The following AFF3 variants were observed in gnomAD, a reference collection of about 807,000 sequenced individuals.
The protein encoded by AFF3 is ALF transcription elongation factor 3.
AFF3 carries 32 observed loss-of-function variants against 129.7 expected under a neutral mutation model. That is an observed-to-expected ratio of 0.25 (90% CI 0.19 to 0.33). AFF3 has a LOEUF of 0.33. AFF3 is among the 10% of genes least tolerant of loss of function. The pLI is 1.00. For synonymous variants in AFF3, 644 were observed against 635.4 expected, an observed-to-expected ratio of 1.01 and a Z score of -0.20; for missense variants, 1,373 against 1,592.0, an observed-to-expected ratio of 0.86 and a Z score of 2.34.
At chr2:100,051,432 C>T (rs1469282697) in intron 4 of AFF3, among the ~76,000 whole-genome samples, 1 of 152,180 alleles carries the variant, frequency 6.6e-6, no homozygotes, top group Non-Finnish European at 1.5e-5. Context: ...AAACATACTG[C>T]TCTTGCAATG....
At chr2:99,869,343 A>T (rs75820653) in intron 7 of AFF3, among the ~76,000 whole-genome samples, 4,113 of 151,456 alleles carry the variant, frequency 0.027, 183 homozygotes, top group African/African-American at 0.092. Flanking sequence ...ATCTCAGCAA[A>T]GGCCTTCCAT....
intron 2 of AFF3, chr2:100,106,173 A>G (rs1420621433): frequency 1.7e-6 from 2 of 1,200,406 alleles, no homozygotes; most frequent in African/African-American, 3.2e-5. Flanking sequence ...CTCTGAATCA[A>G]TCCTTTCTTC....
At chr2:100,046,056 A>G (rs778478534) in intron 4 of AFF3, among the ~76,000 whole-genome samples, 11 of 152,164 alleles carry the variant, frequency 7.2e-5, no homozygotes, top group Non-Finnish European at 1.6e-4. Flanking sequence ...CTGAGTTCCA[A>G]GAATAGTCTA....
At chr2:99,665,883 C>T (rs1686627511) in intron 12 of AFF3, among the ~76,000 whole-genome samples, 1 of 152,106 alleles carries the variant, frequency 6.6e-6, no homozygotes, top group African/African-American at 2.4e-5. Flanking sequence ...GAACAGTGTT[C>T]AATGCTGTAA....
intron 4 of AFF3, among the ~76,000 whole-genome samples, chr2:100,083,661 T>C (rs1040839971): frequency 6.6e-6 from 1 of 152,214 alleles, no homozygotes; most frequent in African/African-American, 2.4e-5. Flanking sequence ...GGGTCACGGC[T>C]GCCTTTGGGA....
chr2:99,879,559 TTC>T (rs1400415429), intron 7 of AFF3, among the ~76,000 whole-genome samples: 2 of 152,226 alleles, frequency 1.3e-5, no homozygotes, highest in East Asian at 3.8e-4. Flanking sequence ...TGAAAAGAGT[TTC>T]TCTGTCAAGA....
intron 4 of AFF3, among the ~76,000 whole-genome samples, chr2:100,035,975 C>G (rs1333232271): frequency 6.6e-6 from 1 of 151,952 alleles, no homozygotes; most frequent in African/African-American, 2.4e-5. Context: ...GAGGCTACTT[C>G]AAGGAATATG....
chr2:99,686,279 T>C (rs1176309455), intron 11 of AFF3, among the ~76,000 whole-genome samples: 1 of 152,160 alleles, frequency 6.6e-6, no homozygotes, highest in African/African-American at 2.4e-5. Flanking sequence ...ACAGTTTCAA[T>C]TAAAATGACA....
intron 4 of AFF3, among the ~76,000 whole-genome samples, chr2:100,029,635 A>AACT (rs1380440487): frequency 6.6e-6 from 1 of 152,186 alleles, no homozygotes; most frequent in Non-Finnish European, 1.5e-5. Flanking sequence ...CAGAAAGTAG[A>AACT]AGGACGGCCA....
At chr2:99,823,244 C>T (rs1465718200) in intron 8 of AFF3, among the ~76,000 whole-genome samples, 2 of 152,036 alleles carry the variant, frequency 1.3e-5, no homozygotes, top group African/African-American at 4.8e-5. Context: ...ATTTTAAAAG[C>T]CTATCCTTCC....
At position 99,689,621 on chromosome 2, in the gene AFF3, C is replaced by T. The variant is rs149829048; in HGVS notation, c.1092-17032G>A. Among the ~76,000 whole-genome samples the T allele has an allele frequency of 4.3e-3, 597 of 138,004 alleles. 4 individuals are homozygous for T. Among genetic ancestry groups the T allele is most frequent in the African/African-American group, 0.015 (563 of 36,442 alleles). 90.5% of individuals were successfully genotyped at this position (138,004 alleles called of 152,430 possible). Reference sequence around the variant, plus strand: ...CTGAGCCTTACTCCTTTCTGTATCTCCAGTGCCTTGGAGACACAGGTATTT... The same window carrying T: ...CTGAGCCTTACTCCTTTCTGTATCTTCAGTGCCTTGGAGACACAGGTATTT... On this transcript the variant is annotated intron_variant, in intron 11 of 24. Transcript: ENST00000672756.
intron 11 of AFF3, among the ~76,000 whole-genome samples, chr2:99,717,718 T>A (rs1420285525): frequency 1.3e-5 from 2 of 152,256 alleles, no homozygotes; most frequent in Non-Finnish European, 1.5e-5. Context: ...TGAAGTCCAA[T>A]CCATTAGAAC....
intron 10 of AFF3, among the ~76,000 whole-genome samples, chr2:99,732,752 T>C (rs570657563): frequency 2.1e-4 from 32 of 152,306 alleles, no homozygotes; most frequent in African/African-American, 7.7e-4. Context: ...AAGACTTCCA[T>C]ATGGCCAACT....
chr2:99,926,436 T>C (rs1576362360), intron 7 of AFF3, among the ~76,000 whole-genome samples: 1 of 152,218 alleles, frequency 6.6e-6, no homozygotes, highest in Admixed American at 6.5e-5. Context: ...TGTTTAAAGA[T>C]ACAAATTTTT....
chr2:100,038,691 G>A (rs1573216411), intron 4 of AFF3, among the ~76,000 whole-genome samples: 1 of 151,566 alleles, frequency 6.6e-6, no homozygotes, highest in East Asian at 1.9e-4. Flanking sequence ...TAAGGGTCAT[G>A]GGACTATGCA....
At chr2:99,563,952 A>G (rs1363731015) in intron 20 of AFF3, among the ~76,000 whole-genome samples, 1 of 152,074 alleles carries the variant, frequency 6.6e-6, no homozygotes. Context: ...GTGAAAGATT[A>G]CTTCCATCAG....
intron 7 of AFF3, among the ~76,000 whole-genome samples, chr2:99,919,728 GAAAT>G (rs1558975649): frequency 6.6e-6 from 1 of 151,030 alleles, no homozygotes; most frequent in African/African-American, 2.4e-5. Context: ...CAAATAACAG[GAAAT>G]AAATGAAACA....
intron 13 of AFF3, among the ~76,000 whole-genome samples, chr2:99,623,690 A>C (rs2105327119): frequency 6.6e-6 from 1 of 152,308 alleles, no homozygotes; most frequent in East Asian, 1.9e-4. Flanking sequence ...CCAGCCACCC[A>C]CTGCATGTGC....
chr2:99,568,562 G>GA (rs1176903521), intron 19 of AFF3, among the ~76,000 whole-genome samples: 6 of 150,680 alleles, frequency 4.0e-5, no homozygotes, highest in African/African-American at 1.2e-4. Context: ...CTTTTTAAAG[G>GA]AAAAAAAAAT....
Sources: allele counts gnomAD v4.1 joint callset (sites outside exome capture counted in the v4.1 genomes callset), GRCh38; gene constraint gnomAD v4.1.1; transcripts MANE v1.5; gene names NCBI Gene and HGNC (gene_info 2026-07-23, HGNC 2026-07-21).